GLO1: variants seen among roughly 807,000 people sequenced by gnomAD.
GLO1 encodes lactoylglutathione lyase.
GLO1 carries 28 observed loss-of-function variants against 26.0 expected under a neutral mutation model. That is an observed-to-expected ratio of 1.08 (90% confidence interval 0.80 to 1.48). GLO1 has a LOEUF of 1.48. GLO1 is among the 40% of genes most tolerant of loss of function. GLO1 has a pLI of 0.00. For synonymous variants in GLO1, 78 were observed against 77.6 expected, an observed-to-expected ratio of 1.00 and a Z score of -0.03; for missense variants, 225 against 224.8, an observed-to-expected ratio of 1.00 and a Z score of -0.01.
In GLO1 at chr6:38,677,616, G is replaced by A. The variant is rs115224783; in HGVS notation, c.467-233C>T. ...GATTTTGTAGAGGCGGGATCTCAAT[G>A]TACTGCCCAGGCTGCTATCAAACTC... is the stretch of plus-strand genomic sequence containing the variant. On this transcript the variant is annotated intron_variant, in intron 5 of 5. Transcript: ENST00000373365. Among the ~76,000 whole-genome samples, 1,195 of 152,066 alleles carry A rather than the reference G, an allele frequency of 7.9e-3. 17 individuals are homozygous for A. The highest frequency in any genetic ancestry group is 0.027 in the African/African-American group (1,109 of 41,472).
chr6:38,693,855 T>C (rs565456219), intron 1 of GLO1, among the ~76,000 whole-genome samples: 20 of 151,792 alleles, frequency 1.3e-4, no homozygotes, highest in Non-Finnish European at 2.8e-4. Context: ...GGACTACAGG[T>C]GCCCGCCACC....
intron 1 of GLO1, among the ~76,000 whole-genome samples, chr6:38,702,387 A>G (rs1761716326): frequency 6.6e-6 from 1 of 152,202 alleles, no homozygotes; most frequent in Non-Finnish European, 1.5e-5. Flanking sequence ...AAGAGAAGGA[A>G]TTTCTAAGAT....
At chr6:38,698,355 TC>T (rs1168882986) in intron 1 of GLO1, among the ~76,000 whole-genome samples, 2 of 151,224 alleles carry the variant, frequency 1.3e-5, no homozygotes, top group African/African-American at 4.8e-5. Flanking sequence ...CTTCCTCCTT[TC>T]CATTCCCTAT....
At chr6:38,693,658 GCTCTCTCTCTCT>G (rs71543936) in intron 1 of GLO1, among the ~76,000 whole-genome samples, 4 of 127,562 alleles carry the variant, frequency 3.1e-5, no homozygotes, top group African/African-American at 1.2e-4. Context: ...TTTTCATTCA[GCTCTCTCTCTCT>G]CTCTCTCTCT....
intron 1 of GLO1, among the ~76,000 whole-genome samples, 155 bp downstream of exon 1, chr6:38,702,816 C>T (rs1318854856): frequency 6.6e-6 from 1 of 152,220 alleles, no homozygotes; most frequent in Non-Finnish European, 1.5e-5. Context: ...GCCCCACGAT[C>T]GCCCCATCAA....
intron 1 of GLO1, 166 bp from the exon 2 acceptor site, chr6:38,687,140 G>A (rs1761471412): frequency 5.1e-6 from 5 of 981,896 alleles, no homozygotes; most frequent in African/African-American, 1.8e-5. Context: ...CCTGTGTGAT[G>A]CAAGTCCAAA....
intron 4 of GLO1, 91 bp downstream of exon 4, chr6:38,682,717 T>G (rs1291804699): frequency 3.0e-6 from 2 of 668,134 alleles, no homozygotes; most frequent in Non-Finnish European, 5.4e-6. Context: ...AATTAGGACA[T>G]TAATGTTTTA....
intron 3 of GLO1, among the ~76,000 whole-genome samples, chr6:38,683,907 A>AATAC (rs1454356975): frequency 6.7e-6 from 1 of 149,622 alleles, no homozygotes; most frequent in Non-Finnish European, 1.5e-5. Flanking sequence ...TAAATAAATA[A>AATAC]ATAAAAATAA....
chr6:38,679,714 A>G (rs1761338454), intron 5 of GLO1, among the ~76,000 whole-genome samples: 1 of 151,884 alleles, frequency 6.6e-6, no homozygotes, highest in African/African-American at 2.4e-5. Context: ...TTATTGTTTG[A>G]TCCCAGGAGT....
intron 1 of GLO1, among the ~76,000 whole-genome samples, chr6:38,692,526 T>C (rs1562487953): frequency 2.0e-5 from 3 of 152,154 alleles, no homozygotes. Flanking sequence ...ATATGTCTCT[T>C]ATTTCCTTTT....
At position 38,684,518 on chromosome 6, in the gene GLO1, C is replaced by T. The variant is rs923274089; in HGVS notation, c.168-4G>A. The T allele has an allele frequency of 6.7e-7, 1 of 1,493,480 alleles. No individual in the cohort carries two copies. Among genetic ancestry groups the T allele is most frequent in the Non-Finnish European group, 8.9e-7 (1 of 1,120,376 alleles). The allele number at this position is 1,493,480 out of a possible 1,614,324, so 92.5% of individuals were successfully genotyped here. A position where few individuals can be genotyped will look rare whatever the true frequency, so the allele number is the denominator to read the frequency against. On this transcript the variant is annotated splice_polypyrimidine_tract_variant and splice_region_variant and intron_variant, in intron 2 of 5. Transcript: ENST00000373365. ...AAAATCACATTTTTGGATTAGCCTG[C>T]AATGAAAAAACAACAAGCCTGAATC...
intron 2 of GLO1, among the ~76,000 whole-genome samples, chr6:38,685,574 T>A (rs997688547): frequency 2.0e-5 from 3 of 152,236 alleles, no homozygotes; most frequent in Admixed American, 2.0e-4. Flanking sequence ...TTATCACTGC[T>A]ATATAATAGA....
rs141168961 is a variant in GLO1, at chr6:38,681,198, G to A, written c.466+814C>T. On this transcript the variant is annotated intron_variant, in intron 5 of 5. Transcript: ENST00000373365. ...CCTGCCTCAGCCTCCTGAGTAGGCGGACTATAGGCGCCCACCACCATGCCT... is the reference window on the plus strand; with the variant it reads ...CCTGCCTCAGCCTCCTGAGTAGGCGAACTATAGGCGCCCACCACCATGCCT... Among the ~76,000 whole-genome samples, 402 of 152,120 alleles carry A rather than the reference G, an allele frequency of 2.6e-3. 2 individuals carry two copies. Among genetic ancestry groups the A allele is most frequent in the African/African-American group, 9.1e-3 (378 of 41,470 alleles).
At chr6:38,678,337 A>AGAAAGG (rs1761301097) in intron 5 of GLO1, among the ~76,000 whole-genome samples, 2 of 151,572 alleles carry the variant, frequency 1.3e-5, no homozygotes, top group African/African-American at 4.9e-5. Flanking sequence ...AAAGAGAAAG[A>AGAAAGG]GAAAGAGAGA....
chr6:38,679,044 T>C (rs919174148), intron 5 of GLO1, among the ~76,000 whole-genome samples: 6 of 152,024 alleles, frequency 3.9e-5, no homozygotes, highest in Admixed American at 2.0e-4. Flanking sequence ...TTGAGAAACA[T>C]AACCATAAAA....
intron 1 of GLO1, among the ~76,000 whole-genome samples, chr6:38,699,130 T>C (rs993983409): frequency 3.3e-5 from 5 of 152,202 alleles, no homozygotes; most frequent in African/African-American, 4.8e-5. Flanking sequence ...TGCCCTGCAT[T>C]GCAATTCTAC....
intron 1 of GLO1, among the ~76,000 whole-genome samples, chr6:38,693,685 C>CTCTCTCTCTCTATATATATATATATA (rs869232489): frequency 1.2e-5 from 1 of 86,440 alleles, no homozygotes; most frequent in East Asian, 2.9e-4. Flanking sequence ...CTCTCTCTCT[C>CTCTCTCTCTCTATATATATATATATA]TATATATATA....
intron 1 of GLO1, among the ~76,000 whole-genome samples, chr6:38,699,536 C>T (rs573477406): frequency 1.6e-4 from 24 of 152,184 alleles, no homozygotes; most frequent in East Asian, 9.6e-4. Context: ...AGCCTATAAA[C>T]GGACGTGCAA....
intron 1 of GLO1, among the ~76,000 whole-genome samples, chr6:38,693,685 C>CTCTCTCTCTCTATATATATATA (rs869232489): frequency 2.8e-4 from 24 of 86,432 alleles, no homozygotes; most frequent in East Asian, 8.8e-4. Context: ...CTCTCTCTCT[C>CTCTCTCTCTCTATATATATATA]TATATATATA....
Sources: gnomAD v4.1 joint callset for allele counts (sites outside exome capture counted in the v4.1 genomes callset) on GRCh38, gnomAD v4.1.1 for gene constraint, MANE v1.5 for transcripts, NCBI Gene and HGNC (gene_info 2026-07-23, HGNC 2026-07-21) for gene names.